KALRN: variants seen among roughly 807,000 people sequenced by gnomAD.
The protein encoded by KALRN is kalirin RhoGEF kinase.
In KALRN, 70 loss-of-function variants were observed where a neutral mutation model predicts 353.7. The observed-to-expected ratio is 0.20, with a 90% CI of 0.16 to 0.24. The LOEUF is 0.24. KALRN is among the 10% of genes least tolerant of loss of function. The probability of loss-of-function intolerance (pLI) is 1.00; values close to 1 mark genes in which losing one functional copy is unlikely to be tolerated. For missense variants in KALRN, 2,791 were observed against 3,756.7 expected, an observed-to-expected ratio of 0.74 and a Z score of 6.72; for synonymous variants, 1,391 against 1,434.8, an observed-to-expected ratio of 0.97 and a Z score of 0.69.
At chr3:124,192,615 A>G (rs540758781) in intron 1 of KALRN, among the ~76,000 whole-genome samples, 38 of 152,234 alleles carry the variant, frequency 2.5e-4, no homozygotes, top group Non-Finnish European at 5.4e-4. Context: ...ACATGCCTGT[A>G]TCCAAACATC....
intron 37 of KALRN, among the ~76,000 whole-genome samples, chr3:124,648,916 C>T (rs1439082343): frequency 6.6e-6 from 1 of 152,170 alleles, no homozygotes; most frequent in African/African-American, 2.4e-5. Flanking sequence ...TGAGCTAAAC[C>T]CTTCTTGACC....
intron 4 of KALRN, 60 bp downstream of exon 4, chr3:124,264,750 T>G: frequency 7.0e-7 from 1 of 1,425,774 alleles, no homozygotes; most frequent in Non-Finnish European, 9.9e-7. Flanking sequence ...CATCCACACA[T>G]TTCTCACGTC....
At chr3:124,178,387 G>A (rs1383718608) in intron 1 of KALRN, among the ~76,000 whole-genome samples, 2 of 152,180 alleles carry the variant, frequency 1.3e-5, no homozygotes, top group East Asian at 3.8e-4. Flanking sequence ...GTGCCACTTA[G>A]TGAACAGGGT....
At chr3:124,467,025 G>A (rs1375921143) in intron 25 of KALRN, among the ~76,000 whole-genome samples, 1 of 152,192 alleles carries the variant, frequency 6.6e-6, no homozygotes, top group African/African-American at 2.4e-5. Context: ...CAACCACCAA[G>A]GTTAGATGCC....
chr3:124,136,994 A>G (rs1448555482), intron 1 of KALRN, among the ~76,000 whole-genome samples: 1 of 152,140 alleles, frequency 6.6e-6, no homozygotes, highest in Non-Finnish European at 1.5e-5. Context: ...GGGGCAGAGC[A>G]GCTGTGAGAG....
At position 124,658,436 on chromosome 3, in the gene KALRN, G is replaced by A; in HGVS notation, c.6042G>A (p.Arg2014=). The part of the protein sequence containing the change: ...RLAQLFIKHE[R]KLHIYVWYCQ... ...GTCTCTCTCTGCTCTTTCAGGAGCGGAAGCTGCACATCTACGTGTGGTATT... is the reference window on the plus strand; with the variant it reads ...GTCTCTCTCTGCTCTTTCAGGAGCGAAAGCTGCACATCTACGTGTGGTATT... Residue 2014 remains arginine (R), a synonymous_variant, in exon 42 of 60, where the codon CGG becomes CGA. Transcript: ENST00000682506. 1 of 1,612,952 alleles carries A rather than the reference G, an allele frequency of 6.2e-7. No individual in the cohort carries two copies. The highest frequency in any genetic ancestry group is 8.5e-7 in the Non-Finnish European group (1 of 1,178,886).
chr3:124,676,021 T>G (rs1005587882), intron 49 of KALRN, among the ~76,000 whole-genome samples: 1 of 152,216 alleles, frequency 6.6e-6, no homozygotes, highest in Non-Finnish European at 1.5e-5. Context: ...GTATACTTGT[T>G]TTGGGTGCCT....
At chr3:124,551,559 G>A (rs77665486) in intron 33 of KALRN, among the ~76,000 whole-genome samples, 2,528 of 152,278 alleles carry the variant, frequency 0.017, 66 homozygotes, top group African/African-American at 0.056. Context: ...CTAGCTAAGC[G>A]GGCGTGAAGA....
At chr3:124,416,840 A>T (rs3755666) in intron 14 of KALRN, among the ~76,000 whole-genome samples, 65,426 of 152,174 alleles carry the variant, frequency 0.43, 14,277 homozygotes, top group East Asian at 0.54. Flanking sequence ...AATAAACTGT[A>T]GTCTTAGAAA....
At chr3:124,456,488 C>A in intron 22 of KALRN, 122 bp from the exon 23 acceptor site, 1 of 602,130 alleles carries the variant, frequency 1.7e-6, no homozygotes, top group Non-Finnish European at 3.1e-6. Context: ...TCTGTAAGAT[C>A]CCTCATGTTT....
At chr3:124,152,618 G>C in intron 1 of KALRN, 1 of 573,486 alleles carries the variant, frequency 1.7e-6, no homozygotes, top group Non-Finnish European at 2.9e-6. Flanking sequence ...TTTTGAGACA[G>C]AGCCTCTCTC....
intron 16 of KALRN, 34 bp from the exon 17 acceptor site, chr3:124,434,273 C>A (rs1425840997): frequency 6.3e-7 from 1 of 1,589,480 alleles, no homozygotes; most frequent in South Asian, 1.1e-5. Context: ...CTGGGTTGTT[C>A]CCACGGACCT....
chr3:124,343,308 C>T (rs1214113098), intron 9 of KALRN, among the ~76,000 whole-genome samples: 12 of 152,140 alleles, frequency 7.9e-5, no homozygotes, highest in Admixed American at 7.9e-4. Context: ...CAGGTGTGCA[C>T]CACCACGCCT....
chr3:124,101,192 C>T (rs2061835170), intron 1 of KALRN, among the ~76,000 whole-genome samples: 1 of 152,128 alleles, frequency 6.6e-6, no homozygotes, highest in Non-Finnish European at 1.5e-5. Context: ...AGCAATTGAC[C>T]TGTGTCCCAG....
chr3:124,163,530 G>T (rs971336323), intron 1 of KALRN: 92 of 892,062 alleles, frequency 1.0e-4, no homozygotes, highest in Non-Finnish European at 1.2e-4. Flanking sequence ...ATTATGGCAT[G>T]CATTTCTTTA....
chr3:124,461,097 C>T (rs1354178428), intron 23 of KALRN, among the ~76,000 whole-genome samples: 1 of 152,156 alleles, frequency 6.6e-6, no homozygotes, highest in Non-Finnish European at 1.5e-5. Flanking sequence ...GACCTACCAA[C>T]TATTTCATAT....
At chr3:124,123,314 C>T (rs541234427) in intron 1 of KALRN, among the ~76,000 whole-genome samples, 1 of 152,156 alleles carries the variant, frequency 6.6e-6, no homozygotes, top group South Asian at 2.1e-4. Context: ...TGAACACACA[C>T]ATGATAAGAA....
chr3:124,135,400 A>G (rs2065810183), intron 1 of KALRN, among the ~76,000 whole-genome samples: 1 of 152,156 alleles, frequency 6.6e-6, no homozygotes, highest in South Asian at 2.1e-4. Context: ...GGGGCAAGGG[A>G]TAAAAGATTA....
chr3:124,535,111 T>A (rs1376558960), intron 33 of KALRN, among the ~76,000 whole-genome samples: 2 of 151,794 alleles, frequency 1.3e-5, no homozygotes, highest in Non-Finnish European at 2.9e-5. Flanking sequence ...ATATAAAAAT[T>A]AAAATTAAAA....
Sources: allele counts gnomAD v4.1 joint callset (sites outside exome capture counted in the v4.1 genomes callset), GRCh38; gene constraint gnomAD v4.1.1; transcripts MANE v1.5; gene names NCBI Gene and HGNC (gene_info 2026-07-23, HGNC 2026-07-21).